The following NRXN3 variants were observed in gnomAD, a reference collection of about 807,000 sequenced individuals.
The protein encoded by NRXN3 is neurexin III.
Under a neutral mutation model 137.6 loss-of-function variants are expected in NRXN3, and 32 were observed. The ratio of observed to expected loss-of-function variants is 0.23; its 90% CI spans 0.18 to 0.31. NRXN3 has a LOEUF of 0.31. NRXN3 is among the 10% of genes least tolerant of loss of function. The pLI is 1.00. For synonymous variants in NRXN3, 798 were observed against 784.5 expected, an observed-to-expected ratio of 1.02 and a Z score of -0.29; for missense variants, 1,574 against 2,062.5, an observed-to-expected ratio of 0.76 and a Z score of 4.59.
intron 16 of NRXN3, among the ~76,000 whole-genome samples, chr14:79,603,232 TCCA>T (rs2097949583): frequency 2.1e-5 from 1 of 48,332 alleles, no homozygotes; most frequent in African/African-American, 3.3e-4. Context: ...GTCAGGTTAC[TCCA>T]TTCCATTGGC....
chr14:79,801,074 A>G (rs1325554030), intron 19 of NRXN3, among the ~76,000 whole-genome samples: 1 of 152,162 alleles, frequency 6.6e-6, no homozygotes, highest in African/African-American at 2.4e-5. Context: ...TGAGGAAAAC[A>G]TTGGTTACCA....
chr14:79,693,205 C>T (rs1006017904), intron 18 of NRXN3, among the ~76,000 whole-genome samples: 2 of 151,928 alleles, frequency 1.3e-5, no homozygotes, highest in African/African-American at 2.4e-5. Context: ...CCAGTGTAAG[C>T]TACTCTTGTC....
intron 4 of NRXN3, among the ~76,000 whole-genome samples, chr14:78,359,270 C>T (rs1006181948): frequency 6.6e-6 from 1 of 152,228 alleles, no homozygotes; most frequent in South Asian, 2.1e-4. Context: ...TCTCAGCCCC[C>T]CAGAGAGTCT....
chr14:79,495,515 C>T (rs545434966), intron 16 of NRXN3, among the ~76,000 whole-genome samples: 20 of 152,148 alleles, frequency 1.3e-4, no homozygotes, highest in Non-Finnish European at 2.6e-4. Context: ...AGACCCATTA[C>T]CCCTGTTAAA....
chr14:79,854,136 T>A, intron 20 of NRXN3: 2 of 982,330 alleles, frequency 2.0e-6, no homozygotes, highest in South Asian at 9.4e-5. Context: ...GTGGCAATTC[T>A]ATTTGTCCAA....
chr14:78,739,392 C>G (rs999817512), intron 8 of NRXN3, among the ~76,000 whole-genome samples: 1 of 152,200 alleles, frequency 6.6e-6, no homozygotes, highest in Non-Finnish European at 1.5e-5. Context: ...AACCTCTTTA[C>G]AGGCTGGAGG....
chr14:79,860,157 T>A (rs1041068879), intron 20 of NRXN3, among the ~76,000 whole-genome samples: 2 of 152,132 alleles, frequency 1.3e-5, no homozygotes, highest in East Asian at 3.9e-4. Context: ...ATAACGAGGG[T>A]CTATGGGTAA....
At chr14:78,359,077 G>A (rs2084742373) in intron 4 of NRXN3, among the ~76,000 whole-genome samples, 1 of 152,152 alleles carries the variant, frequency 6.6e-6, no homozygotes, top group South Asian at 2.1e-4. Context: ...TCATTACTGT[G>A]TAAGTGGGTC....
intron 15 of NRXN3, among the ~76,000 whole-genome samples, chr14:79,389,375 G>A (rs1457744751): frequency 6.6e-6 from 1 of 152,178 alleles, no homozygotes; most frequent in African/African-American, 2.4e-5. Flanking sequence ...TCCATTCCTT[G>A]ATAACCAACA....
intron 16 of NRXN3, among the ~76,000 whole-genome samples, chr14:79,603,768 G>T (rs751067408): frequency 2.0e-5 from 3 of 152,020 alleles, no homozygotes; most frequent in Non-Finnish European, 2.9e-5. Context: ...TGAAAACTTG[G>T]TACAACCAAA....
intron 17 of NRXN3, among the ~76,000 whole-genome samples, chr14:79,686,758 T>G (rs1032658825): frequency 6.6e-6 from 1 of 152,156 alleles, no homozygotes; most frequent in Non-Finnish European, 1.5e-5. Flanking sequence ...CTTAAACAGA[T>G]CAACTAGCAC....
intron 10 of NRXN3, among the ~76,000 whole-genome samples, chr14:78,834,161 G>A (rs1162219146): frequency 6.6e-6 from 1 of 152,092 alleles, no homozygotes; most frequent in Admixed American, 6.5e-5. Flanking sequence ...TGCTGGCCAA[G>A]GTAAGGAGTT....
chr14:79,318,402 A>G (rs1219999371), intron 15 of NRXN3, among the ~76,000 whole-genome samples: 1 of 132,832 alleles, frequency 7.5e-6, no homozygotes, highest in Admixed American at 7.3e-5. Context: ...AACAACACGG[A>G]GTAGATCTCG....
At chr14:78,707,030 C>T (rs1289604747) in intron 6 of NRXN3, among the ~76,000 whole-genome samples, 1 of 152,130 alleles carries the variant, frequency 6.6e-6, no homozygotes, top group Non-Finnish European at 1.5e-5. Flanking sequence ...ATAATGCAAC[C>T]TTTTCAGGGC....
chr14:78,830,278 A>G (rs1258735489), intron 10 of NRXN3, among the ~76,000 whole-genome samples: 1 of 152,146 alleles, frequency 6.6e-6, no homozygotes, highest in African/African-American at 2.4e-5. Flanking sequence ...TAAGGTAAAT[A>G]GGCTTGACAA....
intron 15 of NRXN3, among the ~76,000 whole-genome samples, chr14:79,042,042 C>T (rs2099625887): frequency 6.6e-6 from 1 of 152,144 alleles, no homozygotes; most frequent in Non-Finnish European, 1.5e-5. Flanking sequence ...ATATGCCTAG[C>T]AAGAGGAAAC....
At chr14:79,546,841 CTG>C (rs1175914222) in intron 16 of NRXN3, among the ~76,000 whole-genome samples, 1 of 152,164 alleles carries the variant, frequency 6.6e-6, no homozygotes, top group African/African-American at 2.4e-5. Flanking sequence ...TCTTAAAAAA[CTG>C]GAGCTCATTT....
intron 15 of NRXN3, among the ~76,000 whole-genome samples, chr14:79,194,163 T>A (rs2064814698): frequency 6.6e-6 from 1 of 152,178 alleles, no homozygotes; most frequent in Non-Finnish European, 1.5e-5. Context: ...CAACTAAAAC[T>A]TTCGTTTGAC....
intron 16 of NRXN3, among the ~76,000 whole-genome samples, chr14:79,550,610 G>T (rs1226072820): frequency 1.3e-5 from 2 of 152,110 alleles, no homozygotes; most frequent in African/African-American, 4.8e-5. Flanking sequence ...GTAGTCCAGA[G>T]GTCCCCTGCA....
Sources: gnomAD v4.1 joint callset for allele counts (sites outside exome capture counted in the v4.1 genomes callset) on GRCh38, gnomAD v4.1.1 for gene constraint, MANE v1.5 for transcripts, NCBI Gene and HGNC (gene_info 2026-07-23, HGNC 2026-07-21) for gene names.